Variants in PSPC1 observed in about 807,000 individuals in gnomAD.
The protein encoded by PSPC1 is paraspeckle component 1.
Under a neutral mutation model 51.6 loss-of-function variants are expected in PSPC1, and 14 were observed. The observed-to-expected ratio is 0.27, with a 90% CI of 0.18 to 0.42. PSPC1 has a LOEUF of 0.42. PSPC1 is among the 10% of genes least tolerant of loss of function. The probability of loss-of-function intolerance (pLI) is 1.00; values close to 1 mark genes in which losing one functional copy is unlikely to be tolerated. For synonymous variants in PSPC1, 193 were observed against 231.9 expected, an observed-to-expected ratio of 0.83 and a Z score of 1.53; for missense variants, 406 against 701.1, an observed-to-expected ratio of 0.58 and a Z score of 4.75.
At chr13:19,730,368 T>C (rs948284070) in intron 5 of PSPC1, 24 bp from the exon 6 acceptor site, 10 of 1,602,768 alleles carry the variant, frequency 6.2e-6, no homozygotes, top group Non-Finnish European at 8.5e-6. Flanking sequence ...AAATAAAAAT[T>C]TCAGCATCAT....
At chr13:19,699,925 A>G (rs1879700490), downstream of PSPC1, among the ~76,000 whole-genome samples, 1 of 152,056 alleles carries the variant, frequency 6.6e-6, no homozygotes, top group South Asian at 2.1e-4. Context: ...CACCTACAGA[A>G]AACACTTAAA....
chr13:19,774,832 GAAAA>G (rs1888946691), intron 1 of PSPC1, among the ~76,000 whole-genome samples: 1 of 140,982 alleles, frequency 7.1e-6, no homozygotes, highest in South Asian at 2.2e-4. Context: ...AAAAAAAAAA[GAAAA>G]AGAAAAAGAA....
intron 3 of PSPC1, among the ~76,000 whole-genome samples, chr13:19,755,849 T>G (rs1887014454): frequency 6.6e-6 from 1 of 152,180 alleles, no homozygotes. Flanking sequence ...ACAGTTGCTC[T>G]AAATCCTAGT....
At chr13:19,698,113 G>GT (rs529457899), downstream of PSPC1, among the ~76,000 whole-genome samples, 21 of 152,100 alleles carry the variant, frequency 1.4e-4, no homozygotes, top group South Asian at 4.3e-3. Flanking sequence ...AGGAAAGAAT[G>GT]TATCAGAGAT....
chr13:19,681,095 G>A (rs186496908), intron 6 of PSPC1, among the ~76,000 whole-genome samples: 36 of 152,154 alleles, frequency 2.4e-4, no homozygotes, highest in Middle Eastern at 3.4e-3. Context: ...CACACAGGTC[G>A]TCCTGGCTAC....
chr13:19,723,101 A>ACTCC (rs1378765677), intron 6 of PSPC1, among the ~76,000 whole-genome samples: 8 of 152,076 alleles, frequency 5.3e-5, no homozygotes, highest in African/African-American at 1.9e-4. Context: ...ACAGAGCAAG[A>ACTCC]CTCCCTCCTT....
downstream of PSPC1, chr13:19,673,266 G>A: frequency 5.2e-6 from 2 of 383,156 alleles, no homozygotes; most frequent in South Asian, 1.9e-5. Context: ...CTCAGTCTGG[G>A]TTATGGAGAA....
chr13:19,743,062 A>G lies in PSPC1; in HGVS notation c.968-1413T>C, dbSNP rs566501729. On this transcript the variant is annotated intron_variant, in intron 4 of 8. Transcript: ENST00000338910. The stretch of plus-strand genomic sequence containing the variant: ...AAGAATGGGGGGGTTCCAGAGTAAG[A>G]TAATGAAAAGTACATTTGTATTGCA... 1.4e-4 allele frequency among the ~76,000 whole-genome samples: 21 copies of G among 152,322 alleles called. No homozygotes were observed. The South Asian group carries it at 4.3e-3, about 32-fold the overall frequency.
intron 2 of PSPC1, among the ~76,000 whole-genome samples, chr13:19,760,181 T>C (rs1887481507): frequency 1.3e-5 from 2 of 152,178 alleles, no homozygotes; most frequent in Non-Finnish European, 2.9e-5. Context: ...CCCACCCATC[T>C]GTACCCACCA....
At chr13:19,742,462 G>C (rs1216576251) in intron 4 of PSPC1, among the ~76,000 whole-genome samples, 2 of 152,082 alleles carry the variant, frequency 1.3e-5, no homozygotes, top group African/African-American at 4.8e-5. Flanking sequence ...ATCAGGGCCA[G>C]GTGTGGTGCC....
At chr13:19,704,013 T>C (rs1451398118) in intron 8 of PSPC1, among the ~76,000 whole-genome samples, 1 of 152,252 alleles carries the variant, frequency 6.6e-6, no homozygotes, top group Non-Finnish European at 1.5e-5. Context: ...TAATCATACA[T>C]ATTAATCTGA....
chr13:19,694,689 T>G (rs1878997180), intron 6 of PSPC1, among the ~76,000 whole-genome samples: 1 of 152,184 alleles, frequency 6.6e-6, no homozygotes, highest in African/African-American at 2.4e-5. Context: ...CAATAAAAAC[T>G]TTAGTTCCTC....
intron 6 of PSPC1, among the ~76,000 whole-genome samples, chr13:19,686,569 G>A (rs1877908177): frequency 6.6e-6 from 1 of 152,206 alleles, no homozygotes; most frequent in African/African-American, 2.4e-5. Flanking sequence ...TAGAGAAGTT[G>A]GATGGCTGTT....
intron 6 of PSPC1, among the ~76,000 whole-genome samples, chr13:19,696,953 AC>A (rs1879333752): frequency 6.6e-6 from 1 of 152,158 alleles, no homozygotes; most frequent in Admixed American, 6.5e-5. Flanking sequence ...ATTAAATAAC[AC>A]TCAATAGCTA....
chr13:19,736,010 C>G (rs1220779939), intron 5 of PSPC1, among the ~76,000 whole-genome samples: 1 of 151,896 alleles, frequency 6.6e-6, no homozygotes, highest in African/African-American at 2.4e-5. Context: ...TTAGTAAAGA[C>G]AGGGTTTCAC....
At chr13:19,721,597 A>G (rs1276272444) in intron 6 of PSPC1, among the ~76,000 whole-genome samples, 2 of 152,210 alleles carry the variant, frequency 1.3e-5, no homozygotes, top group Non-Finnish European at 2.9e-5. Flanking sequence ...TTCATTTTCT[A>G]AATTCTCAGA....
At chr13:19,725,659 T>G in intron 6 of PSPC1, among the ~76,000 whole-genome samples, 1 of 152,200 alleles carries the variant, frequency 6.6e-6, no homozygotes. Context: ...AGGCAGCATG[T>G]GAACTGAGCC....
At chr13:19,716,417 T>C (rs368802178) in intron 6 of PSPC1, among the ~76,000 whole-genome samples, 1 of 152,348 alleles carries the variant, frequency 6.6e-6, no homozygotes, top group Non-Finnish European at 1.5e-5. Flanking sequence ...TAATGATCAA[T>C]GACGAGAGGT....
At chr13:19,671,809 C>CT (rs773526461), downstream of PSPC1, 4 of 1,612,504 alleles carry the variant, frequency 2.5e-6, no homozygotes, top group East Asian at 8.9e-5. Flanking sequence ...TCTGTACTGA[C>CT]ACCTGCGTTC....
Sources: gnomAD v4.1 joint callset for allele counts (sites outside exome capture counted in the v4.1 genomes callset) on GRCh38, gnomAD v4.1.1 for gene constraint, MANE v1.5 for transcripts, NCBI Gene and HGNC (gene_info 2026-07-23, HGNC 2026-07-21) for gene names.